SAMD5: variants seen among roughly 807,000 people sequenced by gnomAD.
SAMD5 encodes the protein sterile alpha motif domain containing 5, also known as sterile alpha motif domain-containing protein 5.
SAMD5 carries 13 observed loss-of-function variants against 11.3 expected under a neutral mutation model. That is an observed-to-expected ratio of 1.15 (90% CI 0.75 to 1.83). The LOEUF is 1.83. Among genes scored for constraint, SAMD5 ranks in the 40% most tolerant of loss-of-function variants. The probability of loss-of-function intolerance (pLI) is 0.00; values close to 1 mark genes in which losing one functional copy is unlikely to be tolerated. For missense variants in SAMD5, 255 were observed against 239.1 expected (o/e 1.07, Z -0.44); for synonymous variants, 129 against 111.3 (o/e 1.16, Z -1.00).
chr6:147,744,618 C>T, the SAMD5 span, among the ~76,000 whole-genome samples: 1 of 152,200 alleles, frequency 6.6e-6, no homozygotes, highest in Non-Finnish European at 1.5e-5. Flanking sequence ...GAAACCCAGG[C>T]TGGGCGCGGT....
chr6:147,578,800 A>G (rs1235077876), intron 1 of SAMD5, among the ~76,000 whole-genome samples: 1 of 152,188 alleles, frequency 6.6e-6, no homozygotes, highest in Admixed American at 6.5e-5. Context: ...GTAAAAAAAA[A>G]AAACCCAATC....
At chr6:147,666,047 TC>T (rs1459134348) in intron 1 of SAMD5, among the ~76,000 whole-genome samples, 2 of 152,144 alleles carry the variant, frequency 1.3e-5, no homozygotes, top group Non-Finnish European at 2.9e-5. Flanking sequence ...CAGACGATTC[TC>T]CCGCCTCGGC....
rs182378957 is a variant in SAMD5, at chr6:147,653,689, T to A, written c.163-83628T>A. Among the ~76,000 whole-genome samples, 953 of 152,380 alleles carry A rather than the reference T, an allele frequency of 6.3e-3. 14 individuals carry two copies. Among genetic ancestry groups the A allele is most frequent in the African/African-American group, 0.021 (889 of 41,586 alleles). On this transcript the variant is annotated intron_variant, in intron 1 of 1. Coordinates refer to the SAMD5 transcript ENST00000566741. ...CAAATATGCACAGAGCCTATTTTTT[T>A]AAAAATTGTATTCCTTTCCATTATT...
chr6:147,597,696 A>G (rs1477855862), intron 1 of SAMD5, among the ~76,000 whole-genome samples: 1 of 152,232 alleles, frequency 6.6e-6, no homozygotes, highest in African/African-American at 2.4e-5. Context: ...TTCAAGAGCC[A>G]TTGTTTTCCA....
chr6:147,575,814 T>G (rs1280079664), intron 1 of SAMD5, among the ~76,000 whole-genome samples: 1 of 152,266 alleles, frequency 6.6e-6, no homozygotes, highest in Non-Finnish European at 1.5e-5. Flanking sequence ...TTTGGCTTAC[T>G]GCCATTATTC....
the SAMD5 span, among the ~76,000 whole-genome samples, chr6:147,907,581 T>G: frequency 6.6e-6 from 1 of 152,166 alleles, no homozygotes; most frequent in Non-Finnish European, 1.5e-5. Flanking sequence ...GAGCAAATAA[T>G]GTGGAGAAAA....
At chr6:147,926,044 T>C in the SAMD5 span, among the ~76,000 whole-genome samples, 3 of 152,230 alleles carry the variant, frequency 2.0e-5, no homozygotes, top group African/African-American at 7.2e-5. Flanking sequence ...TGCATAGTAT[T>C]CCATGGTATA....
chr6:147,746,630 G>T, the SAMD5 span, among the ~76,000 whole-genome samples: 48 of 152,280 alleles, frequency 3.2e-4, no homozygotes, highest in African/African-American at 1.1e-3. Context: ...TACTGAAAAG[G>T]CTTACAGATA....
At chr6:147,917,166 C>G in the SAMD5 span, among the ~76,000 whole-genome samples, 4,439 of 52,766 alleles carry the variant, frequency 0.084, 469 homozygotes, top group African/African-American at 0.17. Flanking sequence ...AGTTTACAGT[C>G]CCACCAACAG....
chr6:147,509,177 C>T lies in SAMD5; in HGVS notation c.249C>T (p.Pro83=), dbSNP rs1354418814. The T allele has an allele frequency of 2.3e-6, 3 of 1,300,846 alleles. No individual in the cohort carries two copies. The highest frequency in any genetic ancestry group is 1.6e-5 in the African/African-American group (1 of 64,350). 80.6% of individuals were successfully genotyped at this position (1,300,846 alleles called of 1,614,324 possible). The part of the protein sequence containing the change: ...YFTLEPQPAP[P]GPPADAVPTG... ...CGCTTGAGCCGCAGCCGGCGCCCCC[C>T]GGGCCGCCCGCCGACGCCGTCCCCA... Residue 83 remains proline, a synonymous_variant, in exon 1 of 2, where the codon CCC becomes CCT. Coordinates refer to ENST00000367474, the MANE Select transcript of SAMD5 (RefSeq NM_001030060.3).
downstream of SAMD5, chr6:147,741,517 C>A (rs569662447): frequency 5.3e-5 from 8 of 152,104 alleles, no homozygotes; most frequent in Non-Finnish European, 8.8e-5. Context: ...ATGTTGCATG[C>A]GGATTAACAT....
the SAMD5 span, among the ~76,000 whole-genome samples, chr6:147,930,200 C>G: frequency 2.6e-5 from 4 of 152,276 alleles, no homozygotes; most frequent in African/African-American, 9.6e-5. Flanking sequence ...TTCCTCATTT[C>G]CATCTGATAC....
At chr6:147,934,192 A>G in the SAMD5 span, among the ~76,000 whole-genome samples, 10 of 152,342 alleles carry the variant, frequency 6.6e-5, no homozygotes, top group African/African-American at 2.4e-4. Context: ...GCCTTCACTG[A>G]TTAGGAAAGA....
intron 1 of SAMD5, among the ~76,000 whole-genome samples, chr6:147,719,568 A>G (rs773397658): frequency 6.6e-6 from 1 of 151,830 alleles, no homozygotes; most frequent in Non-Finnish European, 1.5e-5. Context: ...ACTGCCTCCT[A>G]TTGGCTACTG....
At chr6:147,725,581 A>C (rs573506353) in intron 1 of SAMD5, among the ~76,000 whole-genome samples, 34 of 152,022 alleles carry the variant, frequency 2.2e-4, no homozygotes, top group African/African-American at 8.2e-4. Flanking sequence ...TAGAAACAGG[A>C]TTTCACCGTG....
chr6:147,894,714 T>C, the SAMD5 span, among the ~76,000 whole-genome samples: 1 of 152,188 alleles, frequency 6.6e-6, no homozygotes. Context: ...TCTATTTGCA[T>C]AGAATTTATA....
chr6:147,737,672 CTTTTTTTTTT>C (rs10544345), downstream of SAMD5: 648 of 49,276 alleles, frequency 0.013, 5 homozygotes, highest in African/African-American at 0.049. Context: ...AGATTGAGGG[CTTTTTTTTTT>C]TTTTTTTTTT....
intron 1 of SAMD5, among the ~76,000 whole-genome samples, chr6:147,528,860 C>T (rs1348123354): frequency 1.3e-5 from 2 of 152,192 alleles, no homozygotes; most frequent in Non-Finnish European, 1.5e-5. Context: ...ATTTGCATGG[C>T]ATTTATTAGA....
In SAMD5 at chr6:147,562,633, T is replaced by C. The variant is rs569892583; in HGVS notation, c.460-1761T>C. ...GTCAGGAGATCAAGACCATCCTGGC[T>C]AACACGGTGAAACTCCGTCTCTACT... On this transcript the variant is annotated intron_variant, in intron 1 of 1. Transcript: ENST00000367474. Among the ~76,000 whole-genome samples the C allele has an allele frequency of 1.4e-3, 213 of 152,220 alleles. 1 individual carries two copies. Among genetic ancestry groups the C allele is most frequent in the Non-Finnish European group, 2.4e-3 (160 of 68,008 alleles).
Sources: allele counts gnomAD v4.1 joint callset (sites outside exome capture counted in the v4.1 genomes callset), GRCh38; gene constraint gnomAD v4.1.1; transcripts MANE v1.5; gene names NCBI Gene and HGNC (gene_info 2026-07-23, HGNC 2026-07-21).